ARHGEF7: variants seen among roughly 807,000 people sequenced by gnomAD.
ARHGEF7 encodes PAK-interacting exchange factor beta.
In ARHGEF7, 33 loss-of-function variants were observed where a neutral mutation model predicts 109.8. The observed-to-expected ratio is 0.30, with a 90% CI of 0.23 to 0.40. The LOEUF is 0.40. Among genes scored for constraint, ARHGEF7 ranks in the 10% least tolerant of loss-of-function variants. ARHGEF7 has a pLI of 1.00. For synonymous variants in ARHGEF7, 458 were observed against 424.6 expected, an observed-to-expected ratio of 1.08 and a Z score of -0.97; for missense variants, 938 against 1,098.5, an observed-to-expected ratio of 0.85 and a Z score of 2.07.
chr13:111,283,408 G>A, intron 16 of ARHGEF7, 45 bp downstream of exon 16: 2 of 1,528,906 alleles, frequency 1.3e-6, no homozygotes, highest in Non-Finnish European at 1.8e-6. Context: ...CGGTGAGCAT[G>A]CCTCGGGCCC....
chr13:111,217,648 A>C (rs372175572), intron 4 of ARHGEF7, 31 bp from the exon 5 acceptor site: 1 of 1,578,026 alleles, frequency 6.3e-7, no homozygotes, highest in South Asian at 1.1e-5. Flanking sequence ...TTCTTGGTAT[A>C]ATTTTTCTCC....
At chr13:111,152,096 C>CA (rs1325469026) in intron 1 of ARHGEF7, among the ~76,000 whole-genome samples, 2 of 151,994 alleles carry the variant, frequency 1.3e-5, no homozygotes, top group South Asian at 2.1e-4. Context: ...GGTTACTTGC[C>CA]AAAAAAGAGT....
In ARHGEF7 at chr13:111,168,301, C is replaced by G. The variant is rs773742382; in HGVS notation, c.252+14310C>G. Among the ~76,000 whole-genome samples, 5 of 152,176 alleles carry G rather than the reference C, an allele frequency of 3.3e-5. 1 individual carries two copies. In the South Asian group the frequency reaches 1.0e-3, roughly 31 times the overall value. ...GACAGCTGTGTGAGGCCCCACTGTG[C>G]GACAGCTGTGTGAGGCAGGGGTGTG... is the stretch of plus-strand genomic sequence containing the variant. On this transcript the variant is annotated intron_variant, in intron 2 of 21. Transcript: ENST00000646102.
At chr13:111,125,177 C>A (rs1172300550) in intron 1 of ARHGEF7, among the ~76,000 whole-genome samples, 1 of 151,930 alleles carries the variant, frequency 6.6e-6, no homozygotes, top group African/African-American at 2.4e-5. Flanking sequence ...CTGCTTTGGA[C>A]CTGGAATCTT....
chr13:111,214,208 G>T (rs542828835), intron 4 of ARHGEF7, among the ~76,000 whole-genome samples: 4 of 152,308 alleles, frequency 2.6e-5, no homozygotes, highest in Admixed American at 2.6e-4. Context: ...TGTAGAGCGT[G>T]CATGCATTTG....
chr13:111,304,711 A>G lies in ARHGEF7; in HGVS notation c.*1598A>G, dbSNP rs1384708324. On this transcript the variant is annotated 3_prime_UTR_variant, in exon 22 of 22. Transcript: ENST00000646102. ...CAAGCCCCTTTGGCTTCCTTCCGTG[A>G]CTGGTCACGTTGTCTGCCTGGGCTC... is the stretch of plus-strand genomic sequence containing the variant. 6.6e-6 allele frequency: 1 copy of G among 152,204 alleles called. No homozygotes were observed. The highest frequency in any genetic ancestry group is 1.5e-5 in the Non-Finnish European group (1 of 68,072). 9.4% of individuals were successfully genotyped at this position (152,204 alleles called of 1,614,324 possible).
intron 4 of ARHGEF7, among the ~76,000 whole-genome samples, chr13:111,210,755 A>T (rs976008573): frequency 2.0e-5 from 3 of 152,170 alleles, no homozygotes; most frequent in Admixed American, 6.5e-5. Context: ...GCTGCTGGGG[A>T]TACCACTGCT....
intron 1 of ARHGEF7, among the ~76,000 whole-genome samples, chr13:111,118,796 A>G (rs1332672023): frequency 6.6e-6 from 1 of 152,226 alleles, no homozygotes; most frequent in East Asian, 1.9e-4. Flanking sequence ...AATGCAACAA[A>G]TGAAGTCTCT....
rs2074751180 is a variant in ARHGEF7, at chr13:111,131,495, G to A, written c.165+15804G>A. ...CTGAAGCATACACGTGGGACTCGTA[G>A]TACAGAGATATGTACTGAAGCTGAA... On this transcript the variant is annotated intron_variant, in intron 1 of 21. Coordinates refer to ENST00000646102, the MANE Select transcript of ARHGEF7 (RefSeq NM_001354046.2). The surrounding 1 kb of genome is among the most constrained non-coding windows in gnomAD (Gnocchi z 4.4). Among the ~76,000 whole-genome samples, 1 of 152,202 alleles carries A rather than the reference G, an allele frequency of 6.6e-6. No individual in the cohort carries two copies. The highest frequency in any genetic ancestry group is 2.1e-4 in the South Asian group (1 of 4,826).
intron 2 of ARHGEF7, among the ~76,000 whole-genome samples, chr13:111,182,979 C>G (rs1227617957): frequency 6.6e-6 from 1 of 152,150 alleles, no homozygotes; most frequent in Admixed American, 6.5e-5. Context: ...GTGTTCTGAG[C>G]AAACTTAAGG....
At chr13:111,282,544 A>G (rs2092826928) in intron 15 of ARHGEF7, among the ~76,000 whole-genome samples, 2 of 152,260 alleles carry the variant, frequency 1.3e-5, no homozygotes, top group African/African-American at 4.8e-5. Flanking sequence ...GTAAAGATCC[A>G]GATGGTAAAC....
rs1444904872 is a variant in ARHGEF7 at position 111,239,309 on chromosome 13, T to C, written c.760-4563T>C. On this transcript the variant is annotated intron_variant, in intron 6 of 21. Coordinates refer to ENST00000646102, the MANE Select transcript of ARHGEF7 (RefSeq NM_001354046.2). The surrounding 1 kb of genome is among the most constrained non-coding windows in gnomAD (Gnocchi z 4.3). ...TAATGTAATAGGTAGCATCACTCTT[T>C]CTAATCTGTAAGTGTATAAAACGGT... 1.3e-5 allele frequency among the ~76,000 whole-genome samples: 2 copies of C among 152,180 alleles called. No homozygotes were observed. The highest frequency in any genetic ancestry group is 3.9e-4 in the East Asian group (2 of 5,192).
At chr13:111,154,085 T>G in intron 2 of ARHGEF7, 94 bp downstream of exon 2, 2 of 1,256,360 alleles carry the variant, frequency 1.6e-6, no homozygotes, top group Non-Finnish European at 2.1e-6. Flanking sequence ...TCCTGCCTCC[T>G]CCGCGCCCGG....
rs188794520 is a variant in ARHGEF7, at chr13:111,305,053, G to C, written c.*1940G>C. On this transcript the variant is annotated 3_prime_UTR_variant, in exon 22 of 22. Transcript: ENST00000646102. ...TCCTCTCGGAGCCGGTAGCGTTGCT[G>C]TCCGAGTCCCCAGGACGGATCTCCT... 1 of 152,234 alleles carries C rather than the reference G, an allele frequency of 6.6e-6. No homozygotes were observed. Among genetic ancestry groups the C allele is most frequent in the East Asian group, 1.9e-4 (1 of 5,194 alleles). The allele number at this position is 152,234 out of a possible 1,614,324, so 9.4% of individuals were successfully genotyped here.
chr13:111,145,125 AT>A lies in ARHGEF7; in HGVS notation c.166-8779del, dbSNP rs1458226835. Among the ~76,000 whole-genome samples, 1 of 152,072 alleles carries A rather than the reference AT, an allele frequency of 6.6e-6. No homozygotes were observed. The highest frequency in any genetic ancestry group is 1.9e-4 in the East Asian group (1 of 5,192). On this transcript the variant is annotated intron_variant, in intron 1 of 21. Transcript: ENST00000646102. The surrounding 1 kb of genome is among the most constrained non-coding windows in gnomAD (Gnocchi z 4.3). The stretch of plus-strand genomic sequence containing the variant: ...AAACATAACTTGGAGATTGTGACAT[AT>A]CAGGATATAAAGCTGCCCCTTTTTT...
chr13:111,117,049 T>TC (rs1318623126), intron 1 of ARHGEF7, among the ~76,000 whole-genome samples: 2 of 152,200 alleles, frequency 1.3e-5, no homozygotes, highest in African/African-American at 4.8e-5. Flanking sequence ...TACTTTGCTG[T>TC]TTGGATACTG....
rs186954663 is a variant in ARHGEF7, at chr13:111,209,045, G to T, written c.338-827G>T. 2.2e-3 allele frequency among the ~76,000 whole-genome samples: 338 copies of T among 152,210 alleles called. 1 individual carries two copies. Among genetic ancestry groups the T allele is most frequent in the African/African-American group, 7.8e-3 (324 of 41,516 alleles). ...TTTAATTCAGAATTTTATAAGATACGTGCAAGCCAATCCAAACACCTGGGA... is the reference window on the plus strand; with the variant it reads ...TTTAATTCAGAATTTTATAAGATACTTGCAAGCCAATCCAAACACCTGGGA... On this transcript the variant is annotated intron_variant, in intron 3 of 21. Transcript: ENST00000646102.
At chr13:111,252,640 G>A (rs1389423764) in intron 8 of ARHGEF7, among the ~76,000 whole-genome samples, 1 of 152,204 alleles carries the variant, frequency 6.6e-6, no homozygotes, top group East Asian at 1.9e-4. Flanking sequence ...TATGTACAGT[G>A]AACTTCCATG....
intron 19 of ARHGEF7, among the ~76,000 whole-genome samples, chr13:111,295,390 T>C (rs79497062): frequency 0.015 from 2,233 of 152,354 alleles, 50 homozygotes; most frequent in African/African-American, 0.051. Context: ...AGTCACTCCT[T>C]GTACATTTCT....
Sources: allele counts gnomAD v4.1 joint callset (sites outside exome capture counted in the v4.1 genomes callset), GRCh38; gene constraint gnomAD v4.1.1; non-coding constraint Gnocchi (gnomAD v3.1); transcripts MANE v1.5; gene names NCBI Gene and HGNC (gene_info 2026-07-23, HGNC 2026-07-21).